The following STPG4 variants were observed in gnomAD, a reference collection of about 807,000 sequenced individuals.
STPG4 encodes protein STPG4.
STPG4 carries 41 observed loss-of-function variants against 31.5 expected under a neutral mutation model. The ratio of observed to expected loss-of-function variants is 1.30; its 90% CI spans 1.01 to 1.69. STPG4 has a LOEUF of 1.69. Ranked by LOEUF, STPG4 falls within the 40% of genes most tolerant of loss-of-function variation. STPG4 has a pLI of 0.00. For synonymous variants in STPG4, 141 were observed against 103.0 expected (o/e 1.37, Z -2.24); for missense variants, 375 against 293.4 (o/e 1.28, Z -2.03).
At chr2:47,110,460 G>A (rs1686012431) in intron 5 of STPG4, among the ~76,000 whole-genome samples, 1 of 152,172 alleles carries the variant, frequency 6.6e-6, no homozygotes, top group South Asian at 2.1e-4. Context: ...CAGGCCTGGT[G>A]GCGGGCACCT....
chr2:47,151,140 G>C, intron 3 of STPG4, 118 bp downstream of exon 3: 1 of 1,258,320 alleles, frequency 7.9e-7, no homozygotes, highest in Middle Eastern at 2.2e-4. Context: ...CGGGAAATAA[G>C]ACATCTTAAA....
chr2:47,088,082 T>G (rs1028252539), intron 6 of STPG4, among the ~76,000 whole-genome samples: 21 of 151,866 alleles, frequency 1.4e-4, no homozygotes, highest in Non-Finnish European at 2.9e-4. Flanking sequence ...TGTTTGTTTG[T>G]TTTTGGTTTT....
intron 5 of STPG4, among the ~76,000 whole-genome samples, chr2:47,123,032 G>A (rs1000750553): frequency 6.6e-6 from 1 of 152,078 alleles, no homozygotes. Flanking sequence ...CACCATGTTG[G>A]CCAGGTTGGT....
chr2:47,092,850 T>G (rs1486457336), intron 5 of STPG4, among the ~76,000 whole-genome samples: 1 of 151,776 alleles, frequency 6.6e-6, no homozygotes, highest in Admixed American at 6.6e-5. Context: ...TGGAGTGCAG[T>G]CACGCCATCT....
rs1231604287 is a variant in STPG4, at chr2:47,151,273, T to TA, written c.383dup (p.Val129SerfsTer2). On this transcript the variant is annotated frameshift_variant, in exon 3 of 7. Coordinates refer to ENST00000445927, the MANE Select transcript of STPG4 (RefSeq NM_001163561.2). LOFTEE classifies it high-confidence loss of function. ...AGCGCTTTACCTGATCTTTGTCAAC[T>TA]AGTGTGCTGGGGCTTGGCCGTGGTT... The TA allele has an allele frequency of 1.9e-6, 3 of 1,614,092 alleles. No individual in the cohort carries two copies. Among genetic ancestry groups the TA allele is most frequent in the East Asian group, 4.5e-5 (2 of 44,900 alleles).
chr2:47,121,252 C>T (rs1672277856), intron 5 of STPG4: 1 of 154,092 alleles, frequency 6.5e-6, no homozygotes, highest in South Asian at 2.0e-4. Flanking sequence ...CTACAGGAGA[C>T]AGGGAGTTTA....
chr2:47,129,832 G>C, intron 5 of STPG4, 109 bp downstream of exon 5: 2 of 1,358,972 alleles, frequency 1.5e-6, no homozygotes, highest in Non-Finnish European at 2.0e-6. Context: ...TCCTGCTAGG[G>C]GGAACGATCA....
intron 5 of STPG4, among the ~76,000 whole-genome samples, chr2:47,101,795 G>T (rs1685806458): frequency 6.6e-6 from 1 of 151,850 alleles, no homozygotes; most frequent in Admixed American, 6.6e-5. Context: ...GAGCAAAGGT[G>T]TCACTCTTCC....
At chr2:47,113,479 G>C (rs1021822525) in intron 5 of STPG4, among the ~76,000 whole-genome samples, 1 of 152,014 alleles carries the variant, frequency 6.6e-6, no homozygotes, top group African/African-American at 2.4e-5. Context: ...AGAATGCATA[G>C]CCATAAATCA....
At chr2:47,105,659 G>A (rs1030017570) in intron 5 of STPG4, among the ~76,000 whole-genome samples, 13 of 152,172 alleles carry the variant, frequency 8.5e-5, no homozygotes, top group Middle Eastern at 6.8e-3. Context: ...AATGGGATAC[G>A]AAGGGCAGGT....
intron 5 of STPG4, among the ~76,000 whole-genome samples, chr2:47,106,792 A>G (rs545876248): frequency 9.1e-4 from 138 of 152,176 alleles, no homozygotes; most frequent in Middle Eastern, 6.8e-3. Flanking sequence ...CTTGGCAGCC[A>G]TCTTGCTGTT....
chr2:47,144,835 AT>A (rs945570670), intron 3 of STPG4, among the ~76,000 whole-genome samples: 4 of 152,114 alleles, frequency 2.6e-5, no homozygotes, highest in African/African-American at 9.7e-5. Flanking sequence ...GGTTCAAACG[AT>A]TCTCCTGCCT....
intron 5 of STPG4, among the ~76,000 whole-genome samples, chr2:47,111,513 C>T (rs1221329207): frequency 6.6e-6 from 1 of 152,170 alleles, no homozygotes; most frequent in Non-Finnish European, 1.5e-5. Flanking sequence ...GTCCAGTTCT[C>T]TTGGATGAAA....
intron 5 of STPG4, among the ~76,000 whole-genome samples, chr2:47,126,143 A>C (rs1188718137): frequency 6.6e-6 from 1 of 152,162 alleles, no homozygotes; most frequent in Non-Finnish European, 1.5e-5. Flanking sequence ...TATAATTTGA[A>C]GTCAGGTAAT....
chr2:47,104,026 G>C lies in STPG4; in HGVS notation c.520-13652C>G, dbSNP rs373316091. ...TTTGCTCTTTTCACATGCCTTTCTTGTTATGCCTGAAAGTCCCACACCCTT... is the reference window on the plus strand; with the variant it reads ...TTTGCTCTTTTCACATGCCTTTCTTCTTATGCCTGAAAGTCCCACACCCTT... On this transcript the variant is annotated intron_variant, in intron 5 of 6. Coordinates refer to ENST00000445927, the MANE Select transcript of STPG4 (RefSeq NM_001163561.2). 7.2e-5 allele frequency among the ~76,000 whole-genome samples: 11 copies of C among 152,044 alleles called. No individual in the cohort carries two copies. In the East Asian group the frequency reaches 2.1e-3, roughly 29 times the overall value.
At chr2:47,117,264 C>G (rs915281381) in intron 5 of STPG4, among the ~76,000 whole-genome samples, 1 of 152,150 alleles carries the variant, frequency 6.6e-6, no homozygotes, top group Non-Finnish European at 1.5e-5. Flanking sequence ...GGCCAGAGTG[C>G]AATGGCACTA....
chr2:47,095,335 C>T (rs753779374), intron 5 of STPG4, among the ~76,000 whole-genome samples: 15 of 152,152 alleles, frequency 9.9e-5, no homozygotes, highest in African/African-American at 3.6e-4. Context: ...CAGAGACATG[C>T]TCACAGGGAA....
chr2:47,140,939 G>C (rs1273961689), intron 3 of STPG4, among the ~76,000 whole-genome samples: 1 of 151,674 alleles, frequency 6.6e-6, no homozygotes, highest in African/African-American at 2.4e-5. Context: ...CTATCGGGGA[G>C]GCGGTGGTGT....
At chr2:47,148,551 T>A (rs904484015) in intron 3 of STPG4, among the ~76,000 whole-genome samples, 1 of 152,182 alleles carries the variant, frequency 6.6e-6, no homozygotes, top group African/African-American at 2.4e-5. Flanking sequence ...ATTATTATAC[T>A]TTAAGTTCTA....
Sources: allele counts gnomAD v4.1 joint callset (sites outside exome capture counted in the v4.1 genomes callset), GRCh38; gene constraint gnomAD v4.1.1; transcripts MANE v1.5; gene names NCBI Gene and HGNC (gene_info 2026-07-23, HGNC 2026-07-21).